Variants in PCDHA3 observed in about 807,000 individuals in gnomAD.
PCDHA3 encodes protocadherin alpha-3.
In PCDHA3, 41 loss-of-function variants were observed where a neutral mutation model predicts 62.2. The ratio of observed to expected loss-of-function variants is 0.66; its 90% CI spans 0.51 to 0.86. The LOEUF (loss-of-function observed/expected upper bound fraction) is 0.86, where lower values mean the gene tolerates loss of function less well. PCDHA3 is among the 40% of genes least tolerant of loss of function. The probability of loss-of-function intolerance (pLI) is 0.00; values close to 1 mark genes in which losing one functional copy is unlikely to be tolerated. For missense variants in PCDHA3, 1,304 were observed against 1,241.2 expected (o/e 1.05, Z -0.76); for synonymous variants, 640 against 555.4 (o/e 1.15, Z -2.14).
At chr5:140,847,142 A>C (rs1780872222) in intron 1 of PCDHA3, among the ~76,000 whole-genome samples, 1 of 149,820 alleles carries the variant, frequency 6.7e-6, no homozygotes, top group South Asian at 2.1e-4. Flanking sequence ...CAATGTAAGA[A>C]GATCTCTTGA....
At chr5:140,988,267 C>T (rs1204961254) in intron 3 of PCDHA3, among the ~76,000 whole-genome samples, 1 of 152,146 alleles carries the variant, frequency 6.6e-6, no homozygotes, top group Non-Finnish European at 1.5e-5. Flanking sequence ...GAGTATCCTT[C>T]GCTGTCACCT....
chr5:140,836,379 C>G (rs2150259226), intron 1 of PCDHA3: 1 of 1,613,734 alleles, frequency 6.2e-7, no homozygotes, highest in East Asian at 2.2e-5. Context: ...AGCCACCGTG[C>G]TGGTGTCGCT....
At chr5:140,893,608 T>C (rs2064082274) in intron 1 of PCDHA3, among the ~76,000 whole-genome samples, 1 of 152,256 alleles carries the variant, frequency 6.6e-6, no homozygotes, top group African/African-American at 2.4e-5. Flanking sequence ...TTCTCCTTCA[T>C]TTCTGAAGTA....
intron 1 of PCDHA3, chr5:140,822,291 TC>T (rs2150115255): frequency 2.5e-6 from 4 of 1,614,198 alleles, no homozygotes; most frequent in Non-Finnish European, 3.4e-6. Context: ...ACAGGTTAAA[TC>T]CAAACGAATA....
At chr5:140,807,801 C>G (rs782056776) in intron 1 of PCDHA3, 1 of 1,614,136 alleles carries the variant, frequency 6.2e-7, no homozygotes, top group Admixed American at 1.7e-5. Flanking sequence ...AGAGAAGAAG[C>G]TCCGGAGATT....
chr5:141,006,921 A>G (rs1229765479), intron 3 of PCDHA3, among the ~76,000 whole-genome samples: 1 of 152,176 alleles, frequency 6.6e-6, no homozygotes, highest in Non-Finnish European at 1.5e-5. Context: ...TGCCCATGAG[A>G]TTTCCAACTG....
intron 1 of PCDHA3, among the ~76,000 whole-genome samples, chr5:140,875,148 G>T (rs1267290548): frequency 2.0e-5 from 3 of 152,118 alleles, no homozygotes; most frequent in Non-Finnish European, 4.4e-5. Context: ...TAAATGATCC[G>T]TGAAAAATAA....
At chr5:140,931,884 T>A (rs1554208638) in intron 1 of PCDHA3, among the ~76,000 whole-genome samples, 1 of 151,972 alleles carries the variant, frequency 6.6e-6, no homozygotes, top group Non-Finnish European at 1.5e-5. Flanking sequence ...ATTGCTTTCA[T>A]TTTATTTCAA....
In PCDHA3 at chr5:140,850,012, G is replaced by A. The variant is rs1415063137; in HGVS notation, c.2394+46421G>A. On this transcript the variant is annotated intron_variant, in intron 1 of 3. Transcript: ENST00000522353. ...CGGTTGGGCGAGCGCTCGCTGTCGAGCTACGTGTCAGTGCACGCGGAGAGC... is the reference window on the plus strand; with the variant it reads ...CGGTTGGGCGAGCGCTCGCTGTCGAACTACGTGTCAGTGCACGCGGAGAGC... 5 of 1,596,912 alleles carry A rather than the reference G, an allele frequency of 3.1e-6. 1 individual carries two copies. In the African/African-American group the frequency reaches 5.4e-5, roughly 17 times the overall value.
chr5:140,882,997 C>T, intron 1 of PCDHA3: 1 of 1,614,062 alleles, frequency 6.2e-7, no homozygotes, highest in East Asian at 2.2e-5. Context: ...CGGAATTTTA[C>T]CAATCCGTTT....
intron 1 of PCDHA3, chr5:140,883,245 G>C: frequency 6.2e-7 from 1 of 1,614,016 alleles, no homozygotes; most frequent in South Asian, 1.1e-5. Context: ...GTTGACAAAG[G>C]AAATATTCCA....
chr5:140,979,797 C>T (rs1253949980), intron 2 of PCDHA3, among the ~76,000 whole-genome samples: 1 of 152,154 alleles, frequency 6.6e-6, no homozygotes, highest in African/African-American at 2.4e-5. Flanking sequence ...AACAAATGAT[C>T]ACAACTATCA....
chr5:140,971,050 C>G (rs2096454255), intron 1 of PCDHA3, among the ~76,000 whole-genome samples: 1 of 152,146 alleles, frequency 6.6e-6, no homozygotes, highest in South Asian at 2.1e-4. Context: ...AAGGGTTTAG[C>G]TTTAAATAAG....
At chr5:140,876,759 TG>T (rs2056563971) in intron 1 of PCDHA3, 10 of 1,614,028 alleles carry the variant, frequency 6.2e-6, no homozygotes, top group African/African-American at 2.7e-5. Context: ...CTGCGCGGGA[TG>T]GGGGCTCGCC....
At chr5:140,888,623 C>T (rs1456857060) in intron 1 of PCDHA3, among the ~76,000 whole-genome samples, 1 of 152,160 alleles carries the variant, frequency 6.6e-6, no homozygotes. Context: ...ACTAATTCGG[C>T]CTTCTATTAC....
At position 140,802,508 on chromosome 5, in the gene PCDHA3, C is replaced by T; in HGVS notation, c.1311C>T (p.Ala437=). The T allele has an allele frequency of 6.2e-7, 1 of 1,614,184 alleles. No individual in the cohort carries two copies. The highest frequency in any genetic ancestry group is 8.5e-7 in the Non-Finnish European group (1 of 1,180,046). ...ARDGGSPSLW[A]TASVSVEVAD... ...ACGGGGGCTCGCCTTCACTGTGGGCCACGGCCAGCGTGTCCGTGGAGGTGG... is the reference window on the plus strand; with the variant it reads ...ACGGGGGCTCGCCTTCACTGTGGGCTACGGCCAGCGTGTCCGTGGAGGTGG... Residue 437 remains alanine, a synonymous_variant, in exon 1 of 4, where the codon GCC becomes GCT. Coordinates refer to ENST00000522353, the MANE Select transcript of PCDHA3 (RefSeq NM_018906.3).
chr5:140,945,962 G>A (rs1049789327), intron 1 of PCDHA3, among the ~76,000 whole-genome samples: 1 of 152,002 alleles, frequency 6.6e-6, no homozygotes, highest in Non-Finnish European at 1.5e-5. Context: ...GAAAGCACAG[G>A]CAATAAAAGC....
At chr5:140,836,737 A>T in intron 1 of PCDHA3, 1 of 1,603,604 alleles carries the variant, frequency 6.2e-7, no homozygotes, top group South Asian at 1.1e-5. Flanking sequence ...TCTACAGACA[A>T]TGTGAGTCAT....
At chr5:140,824,610 G>GTTTTTTTTTTTTTTTTTTTTTTT (rs782443702) in intron 1 of PCDHA3, 2 of 95,112 alleles carry the variant, frequency 2.1e-5, no homozygotes, top group African/African-American at 4.9e-5. Flanking sequence ...GCTAATTAAA[G>GTTTTTTTTTTTTTTTTTTTTTTT]TTTTTTTTTT....
Sources: allele counts gnomAD v4.1 joint callset (sites outside exome capture counted in the v4.1 genomes callset), GRCh38; gene constraint gnomAD v4.1.1; transcripts MANE v1.5; gene names NCBI Gene and HGNC (gene_info 2026-07-23, HGNC 2026-07-21).